The following RBFOX1 variants were observed in gnomAD, a reference collection of about 807,000 sequenced individuals.
RBFOX1 encodes RNA binding protein fox-1 homolog 1.
In RBFOX1, 8 loss-of-function variants were observed where a neutral mutation model predicts 57.7. The observed-to-expected ratio is 0.14, with a 90% CI of 0.08 to 0.25. The LOEUF is 0.25. Among genes scored for constraint, RBFOX1 ranks in the 10% least tolerant of loss-of-function variants. RBFOX1 has a pLI of 1.00. For missense variants in RBFOX1, 611 were observed against 548.5 expected, an observed-to-expected ratio of 1.11 and a Z score of -1.14; for synonymous variants, 326 against 222.4, an observed-to-expected ratio of 1.47 and a Z score of -4.15.
At chr16:6,989,536 A>G (rs1422745135) in intron 3 of RBFOX1, among the ~76,000 whole-genome samples, 1 of 152,182 alleles carries the variant, frequency 6.6e-6, no homozygotes, top group African/African-American at 2.4e-5. Flanking sequence ...CTATCAATTT[A>G]TACGTAGTAC....
chr16:7,286,717 G>A (rs530561379), intron 4 of RBFOX1, among the ~76,000 whole-genome samples: 20 of 148,828 alleles, frequency 1.3e-4, no homozygotes, highest in Non-Finnish European at 2.7e-4. Flanking sequence ...TCCGCCTCCT[G>A]GGTACCCACC....
At chr16:5,345,781 T>C (rs2065126519) in intron 1 of RBFOX1, among the ~76,000 whole-genome samples, 1 of 152,140 alleles carries the variant, frequency 6.6e-6, no homozygotes, top group Non-Finnish European at 1.5e-5. Context: ...CTTTCCAGCT[T>C]CCAGGTTTTC....
At chr16:7,242,086 C>T (rs1006964504) in intron 4 of RBFOX1, among the ~76,000 whole-genome samples, 5 of 152,098 alleles carry the variant, frequency 3.3e-5, no homozygotes, top group Admixed American at 1.3e-4. Flanking sequence ...ATTGAAAAGT[C>T]ACCAGGAATT....
At chr16:5,703,696 G>A (rs377444377) in intron 3 of RBFOX1, among the ~76,000 whole-genome samples, 1 of 152,106 alleles carries the variant, frequency 6.6e-6, no homozygotes, top group Non-Finnish European at 1.5e-5. Flanking sequence ...CCGTTAAATG[G>A]GGATAATGTC....
Position 5,961,488 on chromosome 16 carries a change from AAAAC to A in RBFOX1, c.351+94157_351+94160del, listed in dbSNP as rs769369510. On this transcript the variant is annotated intron_variant, in intron 4 of 19. Coordinates refer to the RBFOX1 transcript ENST00000641259. ...TTGTGCTCTTTTGTTTAAAAAAAACAAAACAAAACAAAACAATAGTTTAATTTTT... is the reference window on the plus strand; with the variant it reads ...TTGTGCTCTTTTGTTTAAAAAAAACAAAAACAAAACAATAGTTTAATTTTT... Among the ~76,000 whole-genome samples the A allele has an allele frequency of 4.8e-3, 407 of 84,502 alleles. 11 individuals are homozygous for A. The East Asian group carries it at 0.11, about 23-fold the overall frequency. 55.4% of individuals were successfully genotyped at this position (84,502 alleles called of 152,430 possible).
intron 5 of RBFOX1, among the ~76,000 whole-genome samples, chr16:7,570,657 A>T (rs1462090970): frequency 6.6e-6 from 1 of 152,208 alleles, no homozygotes; most frequent in East Asian, 1.9e-4. Context: ...CATTAGCTCA[A>T]CCATTGTGGA....
intron 4 of RBFOX1, among the ~76,000 whole-genome samples, chr16:7,283,658 G>T (rs11860047): frequency 0.033 from 5,071 of 151,982 alleles, 193 homozygotes; most frequent in African/African-American, 0.093. Flanking sequence ...TCTTTAATTG[G>T]CATCTTCTAA....
chr16:5,913,320 A>C (rs9934204), intron 4 of RBFOX1, among the ~76,000 whole-genome samples: 2 of 152,154 alleles, frequency 1.3e-5, no homozygotes, highest in South Asian at 4.1e-4. Context: ...TTGAATATTC[A>C]TCCCCTCCAA....
At chr16:7,197,379 T>C (rs1471102493) in intron 4 of RBFOX1, among the ~76,000 whole-genome samples, 1 of 151,350 alleles carries the variant, frequency 6.6e-6, no homozygotes, top group Non-Finnish European at 1.5e-5. Context: ...TGGAGTGATG[T>C]TTTTCTTTGA....
chr16:6,768,252 T>C (rs1700454646), intron 3 of RBFOX1, among the ~76,000 whole-genome samples: 2 of 152,138 alleles, frequency 1.3e-5, no homozygotes, highest in Non-Finnish European at 2.9e-5. Context: ...TTTTACTCCA[T>C]ATACTTTTTT....
chr16:7,677,160 C>CACACACACACACACACACACACACACACA (rs1555762483), intron 14 of RBFOX1, among the ~76,000 whole-genome samples: 14 of 151,310 alleles, frequency 9.3e-5, no homozygotes, highest in Non-Finnish European at 1.6e-4. Flanking sequence ...CACACACACA[C>CACACACACACACACACACACACACACACA]CGTACAACCT....
At chr16:7,028,216 A>T (rs2041559325) in intron 3 of RBFOX1, among the ~76,000 whole-genome samples, 1 of 152,102 alleles carries the variant, frequency 6.6e-6, no homozygotes, top group African/African-American at 2.4e-5. Context: ...AAGATTCATT[A>T]GTCCAGCTTT....
chr16:5,677,107 G>A (rs1442292790), intron 3 of RBFOX1, among the ~76,000 whole-genome samples: 2 of 152,186 alleles, frequency 1.3e-5, no homozygotes, highest in Non-Finnish European at 2.9e-5. Context: ...ATTATGGAGG[G>A]CAAGGTCAAA....
chr16:5,551,414 A>G (rs2045459780), intron 2 of RBFOX1, among the ~76,000 whole-genome samples: 1 of 152,248 alleles, frequency 6.6e-6, no homozygotes, highest in South Asian at 2.1e-4. Flanking sequence ...GTATATGCAC[A>G]GGGCGATTCC....
chr16:6,750,295 C>G (rs921152039), intron 3 of RBFOX1, among the ~76,000 whole-genome samples: 8 of 152,170 alleles, frequency 5.3e-5, no homozygotes, highest in African/African-American at 1.7e-4. Flanking sequence ...CTCATAGCCT[C>G]ACAGCAGTTC....
chr16:7,439,517 C>T (rs138714075), intron 4 of RBFOX1, among the ~76,000 whole-genome samples: 2 of 152,274 alleles, frequency 1.3e-5, no homozygotes, highest in Non-Finnish European at 1.5e-5. Context: ...CATCTCCAGG[C>T]CTTGTAAGTC....
At chr16:7,426,123 G>C (rs1021378030) in intron 4 of RBFOX1, among the ~76,000 whole-genome samples, 1 of 152,168 alleles carries the variant, frequency 6.6e-6, no homozygotes, top group Admixed American at 6.5e-5. Context: ...AAAAGCCAGC[G>C]TGCAGGCTCT....
chr16:7,127,201 C>T (rs1461106716), intron 4 of RBFOX1, among the ~76,000 whole-genome samples: 1 of 152,012 alleles, frequency 6.6e-6, no homozygotes, highest in African/African-American at 2.4e-5. Context: ...GCCACAAATG[C>T]CTCCGAAAGC....
chr16:7,228,934 A>C (rs8060406), intron 4 of RBFOX1, among the ~76,000 whole-genome samples: 42,258 of 152,054 alleles, frequency 0.28, 7,536 homozygotes, highest in East Asian at 0.67. Context: ...TGGGGTAGAG[A>C]GTATAATAAT....
Sources: gnomAD v4.1 joint callset for allele counts (sites outside exome capture counted in the v4.1 genomes callset) on GRCh38, gnomAD v4.1.1 for gene constraint, MANE v1.5 for transcripts, NCBI Gene and HGNC (gene_info 2026-07-23, HGNC 2026-07-21) for gene names.